Variants in MSRA observed in about 807,000 individuals in gnomAD.
The protein encoded by MSRA is methionine sulfoxide reductase A, also known as mitochondrial peptide methionine sulfoxide reductase.
MSRA carries 54 observed loss-of-function variants against 31.3 expected under a neutral mutation model. The observed-to-expected ratio is 1.73, with a 90% CI of 1.39 to 2.17. MSRA has a LOEUF of 2.17. Ranked by LOEUF, MSRA falls within the 30% of genes most tolerant of loss-of-function variation. MSRA has a pLI of 0.00. For missense variants in MSRA, 507 were observed against 300.9 expected (o/e 1.69, Z -5.07); for synonymous variants, 169 against 116.5 (o/e 1.45, Z -2.90).
At chr8:10,296,262 G>A (rs539736507) in intron 3 of MSRA, among the ~76,000 whole-genome samples, 17 of 152,216 alleles carry the variant, frequency 1.1e-4, no homozygotes, top group Non-Finnish European at 2.4e-4. Flanking sequence ...AGTTTGATAA[G>A]AAGGAGGCGT....
rs183191453 is a variant in MSRA, at chr8:10,093,384, C to T, written c.142+38726C>T. Among the ~76,000 whole-genome samples the T allele has an allele frequency of 2.4e-3, 367 of 152,184 alleles. 2 individuals carry two copies. Among genetic ancestry groups the T allele is most frequent in the African/African-American group, 8.4e-3 (350 of 41,532 alleles). ...TGGTTGCCCTGGGGATTACAGTTAACATCTTAATTTATAACAATCTAATTC... is the reference window on the plus strand; with the variant it reads ...TGGTTGCCCTGGGGATTACAGTTAATATCTTAATTTATAACAATCTAATTC... On this transcript the variant is annotated intron_variant, in intron 1 of 5. Coordinates refer to ENST00000317173, the MANE Select transcript of MSRA (RefSeq NM_012331.5).
At chr8:10,084,175 A>G (rs1057281323) in intron 1 of MSRA, among the ~76,000 whole-genome samples, 1 of 152,170 alleles carries the variant, frequency 6.6e-6, no homozygotes, top group Admixed American at 6.5e-5. Flanking sequence ...CACGCTTCCA[A>G]GTTCTGATTT....
In MSRA at chr8:10,260,175, C is replaced by T. The variant is rs117776912; in HGVS notation, c.331+14952C>T. Among the ~76,000 whole-genome samples, 1,216 of 152,274 alleles carry T rather than the reference C, an allele frequency of 8.0e-3. 6 individuals carry two copies. The highest frequency in any genetic ancestry group is 0.012 in the Non-Finnish European group (848 of 68,004). On this transcript the variant is annotated intron_variant, in intron 3 of 5. Transcript: ENST00000317173. ...GAAGAAATGAGCGGCTGTGTGTGGG[C>T]GAGCCATTGATGCAGGAGGCTCTCC... is the stretch of plus-strand genomic sequence containing the variant.
intron 2 of MSRA, among the ~76,000 whole-genome samples, chr8:10,225,409 G>A (rs111759236): frequency 9.2e-5 from 14 of 152,202 alleles, no homozygotes; most frequent in African/African-American, 3.1e-4. Flanking sequence ...TTGATGATAG[G>A]GCCTGGTCTT....
At chr8:10,266,687 A>G (rs1179328094) in intron 3 of MSRA, among the ~76,000 whole-genome samples, 1 of 151,948 alleles carries the variant, frequency 6.6e-6, no homozygotes, top group African/African-American at 2.4e-5. Context: ...TTATTTTTTC[A>G]GAAATTGTAT....
At chr8:10,204,118 T>C (rs771906418) in intron 1 of MSRA, among the ~76,000 whole-genome samples, 1 of 152,012 alleles carries the variant, frequency 6.6e-6, no homozygotes, top group South Asian at 2.1e-4. Flanking sequence ...AATATAAAAA[T>C]ATTTTCATAT....
At chr8:10,172,087 C>A (rs1305058524) in intron 1 of MSRA, among the ~76,000 whole-genome samples, 1 of 152,216 alleles carries the variant, frequency 6.6e-6, no homozygotes, top group South Asian at 2.1e-4. Flanking sequence ...TAGGAGGAGC[C>A]TCCATTGTAG....
At chr8:10,208,810 C>G (rs112769684) in intron 2 of MSRA, among the ~76,000 whole-genome samples, 289 of 152,326 alleles carry the variant, frequency 1.9e-3, no homozygotes, top group African/African-American at 6.7e-3. Context: ...TCACGCCTCC[C>G]GTAGCTTCTC....
intron 1 of MSRA, among the ~76,000 whole-genome samples, chr8:10,146,408 G>C (rs943050729): frequency 1.3e-5 from 2 of 152,226 alleles, no homozygotes; most frequent in Non-Finnish European, 2.9e-5. Context: ...CGTCTGGCCA[G>C]AGGTTCTCTC....
intron 2 of MSRA, among the ~76,000 whole-genome samples, chr8:10,239,073 C>A (rs940328817): frequency 1.8e-4 from 27 of 152,028 alleles, no homozygotes; most frequent in African/African-American, 6.5e-4. Flanking sequence ...GAAAAATGAA[C>A]AGAGGCACTT....
chr8:10,226,985 T>A (rs1811055586), intron 2 of MSRA, among the ~76,000 whole-genome samples: 1 of 152,128 alleles, frequency 6.6e-6, no homozygotes, highest in South Asian at 2.1e-4. Flanking sequence ...AGGGAGCTGG[T>A]TTTGAGAAGC....
At chr8:10,090,734 G>A (rs1032156116) in intron 1 of MSRA, among the ~76,000 whole-genome samples, 2 of 152,200 alleles carry the variant, frequency 1.3e-5, no homozygotes, top group Admixed American at 6.5e-5. Context: ...GCTATGTTCT[G>A]TGTCTGTGGA....
At chr8:10,426,271 G>A (rs892542077) in intron 5 of MSRA, among the ~76,000 whole-genome samples, 10 of 152,284 alleles carry the variant, frequency 6.6e-5, no homozygotes, top group African/African-American at 2.4e-4. Context: ...CATGGAAACA[G>A]AAAACTTCCA....
chr8:10,081,227 G>A (rs1038612853), intron 1 of MSRA, among the ~76,000 whole-genome samples: 7 of 152,150 alleles, frequency 4.6e-5, no homozygotes, highest in Non-Finnish European at 8.8e-5. Flanking sequence ...CACGTGGAGG[G>A]GCCTGCTCTG....
chr8:10,159,001 G>A (rs1172902647), intron 1 of MSRA, among the ~76,000 whole-genome samples: 4 of 152,176 alleles, frequency 2.6e-5, no homozygotes, highest in African/African-American at 4.8e-5. Flanking sequence ...GGATGAAATG[G>A]CATGATCTCA....
At chr8:10,322,893 C>T (rs1183479945) in intron 5 of MSRA, among the ~76,000 whole-genome samples, 2 of 152,052 alleles carry the variant, frequency 1.3e-5, no homozygotes, top group African/African-American at 4.8e-5. Context: ...ACTTCGAGAC[C>T]AGCCTGACTA....
intron 5 of MSRA, among the ~76,000 whole-genome samples, chr8:10,355,370 C>T (rs1804447702): frequency 6.6e-6 from 1 of 152,188 alleles, no homozygotes; most frequent in Non-Finnish European, 1.5e-5. Context: ...ATGACATTTG[C>T]CGAGTAGGCC....
chr8:10,079,114 C>G (rs1798147834), intron 1 of MSRA, among the ~76,000 whole-genome samples: 1 of 152,154 alleles, frequency 6.6e-6, no homozygotes, highest in African/African-American at 2.4e-5. Flanking sequence ...TCATAGGTGT[C>G]AAGAACCAGG....
chr8:10,107,187 C>G (rs930840224), intron 1 of MSRA, among the ~76,000 whole-genome samples: 7 of 151,928 alleles, frequency 4.6e-5, no homozygotes, highest in African/African-American at 1.7e-4. Flanking sequence ...CTTCTTGTCC[C>G]TCTGCAACTC....
Sources: gnomAD v4.1 joint callset for allele counts (sites outside exome capture counted in the v4.1 genomes callset) on GRCh38, gnomAD v4.1.1 for gene constraint, MANE v1.5 for transcripts, NCBI Gene and HGNC (gene_info 2026-07-23, HGNC 2026-07-21) for gene names.